The following CFAP70 variants were observed in gnomAD, a reference collection of about 807,000 sequenced individuals.
CFAP70 encodes cilia- and flagella-associated protein 70.
CFAP70 carries 81 observed loss-of-function variants against 137.6 expected under a neutral mutation model. The observed-to-expected ratio is 0.59, with a 90% CI of 0.49 to 0.71. The LOEUF (loss-of-function observed/expected upper bound fraction) is 0.71, where lower values mean the gene tolerates loss of function less well. Ranked by LOEUF, CFAP70 falls within the 30% of genes least tolerant of loss-of-function variation. The pLI, the probability that CFAP70 is intolerant of heterozygous loss-of-function variation, is 0.00. For synonymous variants in CFAP70, 382 were observed against 423.6 expected (o/e 0.90, Z 1.20); for missense variants, 976 against 1,226.7 (o/e 0.80, Z 3.05).
intron 19 of CFAP70, among the ~76,000 whole-genome samples, chr10:73,284,285 GTCTT>G (rs568037905): frequency 3.0e-4 from 46 of 151,546 alleles, no homozygotes; most frequent in African/African-American, 1.0e-3. Flanking sequence ...TTATCACATT[GTCTT>G]TTTTTTTGTC....
rs1305581729 is a variant in CFAP70 at position 73,255,394 on chromosome 10, C to CA, written c.3075+974dup. ...TGGGAGACAGAGCAAGACTCCATCT[C>CA]AAAAAAAAAATTCAGCTGGGCATGG... On this transcript the variant is annotated intron_variant, in intron 26 of 26. Transcript: ENST00000310715. 5.8e-4 allele frequency among the ~76,000 whole-genome samples: 86 copies of CA among 149,248 alleles called. 1 individual carries two copies. In the Middle Eastern group the frequency reaches 0.01, roughly 18 times the overall value.
At chr10:73,299,617 T>C in exon 13 of CFAP70, 3 of 1,613,346 alleles carry the variant, frequency 1.9e-6, no homozygotes, top group Non-Finnish European at 2.5e-6. Context: ...TCTGAGCTCC[T>C]CCTGTCCGAC....
At chr10:73,278,215 A>G in exon 20 of CFAP70, 3 of 1,613,894 alleles carry the variant, frequency 1.9e-6, no homozygotes, top group Non-Finnish European at 2.5e-6. Context: ...AATGTGTTAG[A>G]TGGTTTTTGG....
chr10:73,293,503 G>A, intron 15 of CFAP70, 115 bp from the exon 17 acceptor site: 4 of 898,964 alleles, frequency 4.4e-6, no homozygotes, highest in Non-Finnish European at 6.4e-6. Flanking sequence ...GTTACTGATT[G>A]ATGTCTATAA....
chr10:73,269,698 C>G, exon 25 of CFAP70: 1 of 1,612,820 alleles, frequency 6.2e-7, no homozygotes, highest in Non-Finnish European at 8.5e-7. Flanking sequence ...CATCCTCAGC[C>G]TCTGTGAGCT....
At chr10:73,330,547 T>C (rs1341395006) in intron 8 of CFAP70, among the ~76,000 whole-genome samples, 1 of 151,002 alleles carries the variant, frequency 6.6e-6, no homozygotes, top group African/African-American at 2.4e-5. Flanking sequence ...AAGGGAGAAA[T>C]GGTTACCTAG....
chr10:73,351,376 C>G (rs2132528092), intron 3 of CFAP70, among the ~76,000 whole-genome samples: 1 of 151,920 alleles, frequency 6.6e-6, no homozygotes, highest in Admixed American at 6.6e-5. Context: ...CCTTGGCCTC[C>G]CAAAGTGCTG....
At chr10:73,337,420 G>A (rs1417997073) in intron 6 of CFAP70, among the ~76,000 whole-genome samples, 1 of 152,188 alleles carries the variant, frequency 6.6e-6, no homozygotes, top group Non-Finnish European at 1.5e-5. Flanking sequence ...AGAGGCAGAG[G>A]TTGCAGTGAG....
intron 5 of CFAP70, 118 bp downstream of exon 6, chr10:73,344,947 T>A (rs1267861738): frequency 3.3e-5 from 23 of 688,516 alleles, no homozygotes; most frequent in Non-Finnish European, 4.9e-5. Flanking sequence ...AAGCCTAAAA[T>A]AAATCTCAGC....
intron 19 of CFAP70, among the ~76,000 whole-genome samples, chr10:73,290,044 C>CAAAAAAAAAAAAAAAAAAA (rs397847750): frequency 1.7e-4 from 12 of 72,206 alleles, no homozygotes; most frequent in South Asian, 5.3e-4. Context: ...GACTCCATCT[C>CAAAAAAAAAAAAAAAAAAA]AAAAAAAAAA....
upstream of CFAP70, among the ~76,000 whole-genome samples, chr10:73,362,303 T>A (rs2055041987): frequency 6.6e-6 from 1 of 152,178 alleles, no homozygotes; most frequent in Non-Finnish European, 1.5e-5. Context: ...ACTATAAATT[T>A]GAGGGTTTTC....
chr10:73,255,079 A>G (rs1286129436), intron 26 of CFAP70, among the ~76,000 whole-genome samples: 3 of 152,168 alleles, frequency 2.0e-5, no homozygotes, highest in Admixed American at 2.0e-4. Flanking sequence ...CCTGGCCAAC[A>G]TAGCAAAACC....
chr10:73,343,209 C>CA (rs60755900), intron 5 of CFAP70, among the ~76,000 whole-genome samples: 16,322 of 72,284 alleles, frequency 0.23, 1,740 homozygotes, highest in East Asian at 0.42. Context: ...GATTCCGTCT[C>CA]AAAAAAAAAA....
intron 12 of CFAP70, among the ~76,000 whole-genome samples, chr10:73,305,203 C>T (rs776453976): frequency 1.3e-5 from 2 of 152,124 alleles, no homozygotes; most frequent in Non-Finnish European, 2.9e-5. Context: ...TAACTCAGTG[C>T]GGAAAAGCAC....
intron 5 of CFAP70, among the ~76,000 whole-genome samples, chr10:73,344,326 C>A (rs2053531846): frequency 6.6e-6 from 1 of 152,198 alleles, no homozygotes; most frequent in Admixed American, 6.5e-5. Flanking sequence ...ATAAAAGACA[C>A]TTTTAATTAT....
At chr10:73,325,040 T>A (rs1351310996) in intron 8 of CFAP70, among the ~76,000 whole-genome samples, 1 of 152,212 alleles carries the variant, frequency 6.6e-6, no homozygotes, top group African/African-American at 2.4e-5. Flanking sequence ...ATTGTCAGAT[T>A]CACCAAAGTT....
intron 8 of CFAP70, among the ~76,000 whole-genome samples, chr10:73,326,613 G>A (rs1286627944): frequency 6.6e-6 from 1 of 151,410 alleles, no homozygotes; most frequent in Non-Finnish European, 1.5e-5. Flanking sequence ...GAAGAAAAGA[G>A]AGAAGAATCA....
intron 8 of CFAP70, among the ~76,000 whole-genome samples, chr10:73,327,060 T>C (rs1304282139): frequency 3.3e-5 from 5 of 150,476 alleles, no homozygotes; most frequent in African/African-American, 1.2e-4. Flanking sequence ...ACCAATATCC[T>C]TGATGAACAT....
At chr10:73,304,101 G>C (rs1404989102) in intron 12 of CFAP70, among the ~76,000 whole-genome samples, 4 of 151,490 alleles carry the variant, frequency 2.6e-5, no homozygotes, top group African/African-American at 9.7e-5. Context: ...TTGTCATCCA[G>C]GCTGGAGTGC....
Sources: gnomAD v4.1 joint callset for allele counts (sites outside exome capture counted in the v4.1 genomes callset) on GRCh38, gnomAD v4.1.1 for gene constraint, MANE v1.5 for transcripts, NCBI Gene and HGNC (gene_info 2026-07-23, HGNC 2026-07-21) for gene names.